The following STX17 variants were observed in gnomAD, a reference collection of about 807,000 sequenced individuals.
STX17 encodes syntaxin 17.
Under a neutral mutation model 35.9 loss-of-function variants are expected in STX17, and 29 were observed. The observed-to-expected ratio is 0.81, with a 90% confidence interval of 0.60 to 1.10. STX17 has a LOEUF of 1.10. STX17 is among the 50% of genes least tolerant of loss of function. The pLI is 0.00. For synonymous variants in STX17, 92 were observed against 118.3 expected, an observed-to-expected ratio of 0.78 and a Z score of 1.44; for missense variants, 312 against 352.3, an observed-to-expected ratio of 0.89 and a Z score of 0.92.
At chr9:99,956,104 G>A (rs1022515396) in intron 4 of STX17, among the ~76,000 whole-genome samples, 1 of 152,116 alleles carries the variant, frequency 6.6e-6, no homozygotes, top group Non-Finnish European at 1.5e-5. Context: ...GTTTACATCA[G>A]GGTTTTTTAT....
chr9:99,943,912 A>G (rs944125265), intron 3 of STX17, among the ~76,000 whole-genome samples: 3 of 152,126 alleles, frequency 2.0e-5, no homozygotes, highest in African/African-American at 7.2e-5. Context: ...TAAAACTATC[A>G]GGCTGGGCTT....
intron 3 of STX17, among the ~76,000 whole-genome samples, chr9:99,931,820 A>G (rs1303097015): frequency 6.6e-6 from 1 of 151,956 alleles, no homozygotes; most frequent in East Asian, 1.9e-4. Context: ...CTATTATGAT[A>G]TTTAGTTTAC....
chr9:99,950,785 G>A (rs1829575884), intron 3 of STX17, among the ~76,000 whole-genome samples: 1 of 151,892 alleles, frequency 6.6e-6, no homozygotes, highest in Non-Finnish European at 1.5e-5. Flanking sequence ...ATATGCTTCT[G>A]TAGTGTTTGA....
At chr9:99,937,480 A>G (rs1324999248) in intron 3 of STX17, among the ~76,000 whole-genome samples, 1 of 152,088 alleles carries the variant, frequency 6.6e-6, no homozygotes, top group Admixed American at 6.5e-5. Flanking sequence ...GATAGTGTCT[A>G]TTGCCATGCC....
chr9:99,974,420 A>C lies in STX17; in HGVS notation c.*5747A>C, dbSNP rs1013248518. Among the ~76,000 whole-genome samples the C allele has an allele frequency of 7.9e-5, 12 of 152,224 alleles. No homozygotes were observed. Among genetic ancestry groups the C allele is most frequent in the African/African-American group, 2.2e-4 (9 of 41,444 alleles). ...CAAGGGTCAGCACGAGAAAAGGCCC[A>C]ATGGCAAGAATTTCTGCAAACTCTG... On this transcript the variant is annotated 3_prime_UTR_variant, in exon 8 of 8. Coordinates refer to ENST00000259400, the MANE Select transcript of STX17 (RefSeq NM_017919.3).
At position 99,951,184 on chromosome 9, in the gene STX17, T is replaced by A. The variant is rs780370135; in HGVS notation, c.314T>A (p.Phe105Tyr). 6.2e-7 allele frequency: 1 copy of A among 1,613,066 alleles called. No homozygotes were observed. Among genetic ancestry groups the A allele is most frequent in the African/African-American group, 1.3e-5 (1 of 74,872 alleles). Reference protein sequence around the residue: ...KEEASAATAEFLQLHLESVEE... With the variant: ...KEEASAATAEYLQLHLESVEE... ...GAAGCATCAGCAGCAACAGCAGAAT[T>A]TCTCCAACTCCATTTGGAATCTGTA... is the stretch of plus-strand genomic sequence containing the variant. Residue 105 changes from phenylalanine (F) to tyrosine (Y), a missense_variant, in exon 4 of 8, where the codon TTT becomes TAT. Phe to Tyr is a conservative substitution (Grantham distance 22). Coordinates refer to ENST00000259400, the MANE Select transcript of STX17 (RefSeq NM_017919.3).
At position 99,968,496 on chromosome 9, in the gene STX17, G is replaced by T. The variant is rs528702982; in HGVS notation, c.732G>T (p.Gly244=). The part of the protein sequence containing the change: ...VAGALIGGMV[G]GPIGLLAGFK... ...GTGCACTCATCGGGGGAATGGTAGGGGGTCCTATTGGCCTCCTTGCAGGCT... is the reference window on the plus strand; with the variant it reads ...GTGCACTCATCGGGGGAATGGTAGGTGGTCCTATTGGCCTCCTTGCAGGCT... Residue 244 remains glycine, a synonymous_variant, in exon 8 of 8, where the codon GGG becomes GGT. Coordinates refer to ENST00000259400, the MANE Select transcript of STX17 (RefSeq NM_017919.3). 1.2e-6 allele frequency: 2 copies of T among 1,611,480 alleles called. No homozygotes were observed. Among genetic ancestry groups the T allele is most frequent in the East Asian group, 4.5e-5 (2 of 44,802 alleles).
rs578255957 is a variant in STX17, at chr9:99,970,574, A to T, written c.*1901A>T. Among the ~76,000 whole-genome samples the T allele has an allele frequency of 1.3e-5, 2 of 152,314 alleles. No individual in the cohort carries two copies. The highest frequency in any genetic ancestry group is 2.9e-5 in the Non-Finnish European group (2 of 68,014). On this transcript the variant is annotated 3_prime_UTR_variant, in exon 8 of 8. Coordinates refer to ENST00000259400, the MANE Select transcript of STX17 (RefSeq NM_017919.3). ...AGGATCAGAACTCACCCAGGCACAT[A>T]CTAAAGCAAGATTCCTAAACCTCAG... is the stretch of plus-strand genomic sequence containing the variant.
intron 6 of STX17, among the ~76,000 whole-genome samples, chr9:99,960,804 A>G (rs928137733): frequency 3.9e-5 from 6 of 152,236 alleles, no homozygotes; most frequent in African/African-American, 1.4e-4. Flanking sequence ...GCTTTCAAGC[A>G]TGATGGCTAA....
chr9:99,961,883 A>G (rs1383056006), intron 6 of STX17, among the ~76,000 whole-genome samples: 1 of 152,134 alleles, frequency 6.6e-6, no homozygotes, highest in African/African-American at 2.4e-5. Context: ...TGATACTTAA[A>G]CTATTGCATT....
At chr9:99,954,935 G>A (rs1470728505) in intron 4 of STX17, among the ~76,000 whole-genome samples, 1 of 152,050 alleles carries the variant, frequency 6.6e-6, no homozygotes, top group Non-Finnish European at 1.5e-5. Context: ...CTTTTGTCCA[G>A]ATTCCGAGAG....
At chr9:99,922,763 G>T (rs1333792436) in intron 2 of STX17, among the ~76,000 whole-genome samples, 1 of 152,196 alleles carries the variant, frequency 6.6e-6, no homozygotes, top group Non-Finnish European at 1.5e-5. Flanking sequence ...GAAGAAGGGA[G>T]AAGTGGGACT....
intron 4 of STX17, among the ~76,000 whole-genome samples, chr9:99,958,492 A>G (rs780020026): frequency 1.8e-4 from 28 of 152,252 alleles, no homozygotes; most frequent in African/African-American, 5.8e-4. Flanking sequence ...TGTACTTTAT[A>G]TATAACCCAG....
At chr9:99,948,583 A>T (rs989083138) in intron 3 of STX17, among the ~76,000 whole-genome samples, 2 of 152,180 alleles carry the variant, frequency 1.3e-5, no homozygotes, top group Non-Finnish European at 2.9e-5. Flanking sequence ...CTTCTATAAA[A>T]TGAGAATAAT....
At chr9:99,943,964 C>T (rs568559042) in intron 3 of STX17, among the ~76,000 whole-genome samples, 2 of 151,906 alleles carry the variant, frequency 1.3e-5, no homozygotes, top group South Asian at 4.2e-4. Context: ...TTTTGTGTGG[C>T]GAGGAAGAGA....
chr9:99,958,884 T>G (rs1008436657), intron 4 of STX17, among the ~76,000 whole-genome samples: 1 of 152,128 alleles, frequency 6.6e-6, no homozygotes, highest in Non-Finnish European at 1.5e-5. Context: ...TTTTTAAAAC[T>G]CAAAAGAAGT....
intron 4 of STX17, among the ~76,000 whole-genome samples, chr9:99,957,050 A>G (rs1013550990): frequency 3.3e-5 from 5 of 152,180 alleles, no homozygotes; most frequent in African/African-American, 1.2e-4. Flanking sequence ...CTGGTCTGCA[A>G]GGCCCCTCCT....
rs1456913064 is a variant in STX17, at chr9:99,969,464, G to GTA, written c.*794_*795dup. ...GGTTTCTGGGGTGAATTCTACCCAT[G>GTA]TATAATGAGGAATTCTCTCATAACC... On this transcript the variant is annotated 3_prime_UTR_variant, in exon 8 of 8. Transcript: ENST00000259400. The GTA allele has an allele frequency of 6.6e-6, 1 of 152,138 alleles. No individual in the cohort carries two copies. The highest frequency in any genetic ancestry group is 1.5e-5 in the Non-Finnish European group (1 of 68,044). The allele number at this position is 152,138 out of a possible 1,614,324, so 9.4% of individuals were successfully genotyped here.
At chr9:99,948,344 A>T (rs1468179970) in intron 3 of STX17, among the ~76,000 whole-genome samples, 3 of 152,108 alleles carry the variant, frequency 2.0e-5, no homozygotes, top group Non-Finnish European at 2.9e-5. Flanking sequence ...ATAAAATATT[A>T]TTAAAATTAA....
Sources: allele counts gnomAD v4.1 joint callset (sites outside exome capture counted in the v4.1 genomes callset), GRCh38; gene constraint gnomAD v4.1.1; transcripts MANE v1.5; gene names NCBI Gene and HGNC (gene_info 2026-07-23, HGNC 2026-07-21).